The following ZZZ3 variants were observed in gnomAD, a reference collection of about 807,000 sequenced individuals.
ZZZ3 encodes the protein zinc finger ZZ-type containing 3, also known as ZZ-type zinc finger-containing protein 3.
Under a neutral mutation model 95.2 loss-of-function variants are expected in ZZZ3, and 22 were observed. The ratio of observed to expected loss-of-function variants is 0.23; its 90% confidence interval spans 0.17 to 0.33. The LOEUF is 0.33. ZZZ3 is among the 10% of genes least tolerant of loss of function. ZZZ3 has a pLI of 1.00. For missense variants in ZZZ3, 885 were observed against 1,066.5 expected (o/e 0.83, Z 2.37); for synonymous variants, 335 against 358.9 (o/e 0.93, Z 0.75).
Position 77,565,481 on chromosome 1 carries a change from A to G in ZZZ3, c.*159T>C. The G allele has an allele frequency of 1.5e-6, 1 of 666,538 alleles. No homozygotes were observed. The highest frequency in any genetic ancestry group is 3.4e-5 in the Admixed American group (1 of 29,416). 41.3% of individuals were successfully genotyped at this position (666,538 alleles called of 1,614,324 possible). The stretch of plus-strand genomic sequence containing the variant: ...TGCTGAACAGTGATCTAGAGCCACA[A>G]CGGTGCAGAGCTGTACTTGACGAGA... On this transcript the variant is annotated 3_prime_UTR_variant, in exon 15 of 15. Coordinates refer to ENST00000370801, the MANE Select transcript of ZZZ3 (RefSeq NM_015534.6).
chr1:77,595,736 A>C (rs1013237048), intron 5 of ZZZ3, among the ~76,000 whole-genome samples: 1 of 152,074 alleles, frequency 6.6e-6, no homozygotes, highest in African/African-American at 2.4e-5. Flanking sequence ...ACAATGTATA[A>C]GATAAATTGG....
intron 11 of ZZZ3, among the ~76,000 whole-genome samples, chr1:77,577,524 AT>A (rs1053378590): frequency 5.9e-5 from 9 of 151,754 alleles, no homozygotes; most frequent in South Asian, 4.2e-4. Flanking sequence ...GTTAAAAAAA[AT>A]TTTTTTTTAA....
At chr1:77,599,379 T>C (rs1450460289) in intron 5 of ZZZ3, among the ~76,000 whole-genome samples, 1 of 152,062 alleles carries the variant, frequency 6.6e-6, no homozygotes, top group Non-Finnish European at 1.5e-5. Context: ...TGATTACATA[T>C]GTAATCATAC....
intron 5 of ZZZ3, among the ~76,000 whole-genome samples, chr1:77,598,624 T>G (rs74090672): frequency 3.3e-4 from 50 of 152,294 alleles, no homozygotes; most frequent in African/African-American, 1.1e-3. Context: ...ATTTAAAATT[T>G]ACCTTTTTAT....
chr1:77,657,456 T>C (rs539295573), intron 1 of ZZZ3, among the ~76,000 whole-genome samples: 1 of 152,186 alleles, frequency 6.6e-6, no homozygotes, highest in African/African-American at 2.4e-5. Context: ...GGGAAAGATG[T>C]AGCACTAAGT....
chr1:77,593,494 T>C (rs1395749489), intron 5 of ZZZ3, among the ~76,000 whole-genome samples: 1 of 152,188 alleles, frequency 6.6e-6, no homozygotes, highest in African/African-American at 2.4e-5. Flanking sequence ...AGGATACACA[T>C]ATAGGTGGTT....
rs981626851 is a variant in ZZZ3 at position 77,625,251 on chromosome 1, G to A, written c.1505+6599C>T. The stretch of plus-strand genomic sequence containing the variant: ...GAAATAATTATTGTTTCTCTGTTCA[G>A]AATTTAGATCTGGTAACTTACATGA... On this transcript the variant is annotated intron_variant, in intron 5 of 14. Coordinates refer to ENST00000370801, the MANE Select transcript of ZZZ3 (RefSeq NM_015534.6). Among the ~76,000 whole-genome samples the A allele has an allele frequency of 2.0e-5, 3 of 152,090 alleles. No homozygotes were observed. In the East Asian group the frequency reaches 5.8e-4, roughly 29 times the overall value.
intron 1 of ZZZ3, among the ~76,000 whole-genome samples, chr1:77,682,177 A>C (rs925388084): frequency 5.3e-5 from 8 of 152,190 alleles, no homozygotes; most frequent in Non-Finnish European, 1.2e-4. Flanking sequence ...CAGAGAAAAT[A>C]GATGGGAGGA....
intron 5 of ZZZ3, among the ~76,000 whole-genome samples, chr1:77,610,768 T>TA (rs1388913767): frequency 2.3e-3 from 330 of 144,928 alleles, no homozygotes; most frequent in African/African-American, 5.7e-3. Flanking sequence ...CCTTCATGAT[T>TA]AAAAAAAAAA....
At chr1:77,579,471 T>A in intron 10 of ZZZ3, 56 bp downstream of exon 10, 1 of 1,306,616 alleles carries the variant, frequency 7.7e-7, no homozygotes, top group Middle Eastern at 1.8e-4. Flanking sequence ...ATTATTCTCC[T>A]TTATTAAAAA....
intron 8 of ZZZ3, among the ~76,000 whole-genome samples, chr1:77,581,439 C>A (rs565793422): frequency 6.6e-6 from 1 of 152,290 alleles, no homozygotes; most frequent in East Asian, 1.9e-4. Flanking sequence ...AAAGGAACTA[C>A]TATTTTTAGA....
chr1:77,614,312 G>A (rs1370127321), intron 5 of ZZZ3, among the ~76,000 whole-genome samples: 1 of 152,142 alleles, frequency 6.6e-6, no homozygotes, highest in Non-Finnish European at 1.5e-5. Context: ...AACAAGGCTA[G>A]AAGTTACCAC....
intron 6 of ZZZ3, among the ~76,000 whole-genome samples, chr1:77,584,226 A>G (rs1285663123): frequency 6.6e-6 from 1 of 152,156 alleles, no homozygotes; most frequent in Non-Finnish European, 1.5e-5. Flanking sequence ...AAAATACTCA[A>G]AGAAGGGGAA....
chr1:77,636,387 CT>C (rs995738266), intron 4 of ZZZ3, among the ~76,000 whole-genome samples: 5 of 151,666 alleles, frequency 3.3e-5, no homozygotes, highest in African/African-American at 7.3e-5. Flanking sequence ...TACTAAAAAC[CT>C]TTTTTTTATA....
rs554649935 is a variant in ZZZ3, at chr1:77,610,704, A to G, written c.1505+21146T>C. ...CATCATATCAACAGAATGAAGGACA[A>G]AAACTATGATCATTTCAATTGGTGC... On this transcript the variant is annotated intron_variant, in intron 5 of 14. Transcript: ENST00000370801. Among the ~76,000 whole-genome samples the G allele has an allele frequency of 1.9e-3, 289 of 152,172 alleles. 4 individuals carry two copies. Among genetic ancestry groups the G allele is most frequent in the African/African-American group, 6.7e-3 (277 of 41,558 alleles).
chr1:77,604,139 C>T (rs752868712), intron 5 of ZZZ3, among the ~76,000 whole-genome samples: 2 of 152,190 alleles, frequency 1.3e-5, no homozygotes, highest in African/African-American at 4.8e-5. Flanking sequence ...TGAGTAGCCA[C>T]TGCACTCTAG....
chr1:77,604,374 GAACA>G (rs976309251), intron 5 of ZZZ3, among the ~76,000 whole-genome samples: 1 of 152,144 alleles, frequency 6.6e-6, no homozygotes, highest in African/African-American at 2.4e-5. Context: ...TAGTAATAGA[GAACA>G]AACTGCTATT....
intron 5 of ZZZ3, among the ~76,000 whole-genome samples, chr1:77,630,020 A>T (rs1667654530): frequency 6.6e-6 from 1 of 152,234 alleles, no homozygotes; most frequent in African/African-American, 2.4e-5. Flanking sequence ...CTAGAAAAAA[A>T]ATTTCCACAA....
At chr1:77,664,679 A>G (rs1231117063) in intron 1 of ZZZ3, among the ~76,000 whole-genome samples, 2 of 152,218 alleles carry the variant, frequency 1.3e-5, no homozygotes, top group Admixed American at 6.5e-5. Context: ...TGCCAGCTAA[A>G]TTGTTCTGAC....
Sources: gnomAD v4.1 joint callset for allele counts (sites outside exome capture counted in the v4.1 genomes callset) on GRCh38, gnomAD v4.1.1 for gene constraint, MANE v1.5 for transcripts, NCBI Gene and HGNC (gene_info 2026-07-23, HGNC 2026-07-21) for gene names.